Variants in MS4A14 observed in about 807,000 individuals in gnomAD.
The protein encoded by MS4A14 is membrane-spanning 4-domains subfamily A member 14.
Under a neutral mutation model 16.7 loss-of-function variants are expected in MS4A14, and 18 were observed. The observed-to-expected ratio is 1.08, with a 90% CI of 0.75 to 1.60. The LOEUF is 1.60. MS4A14 is among the 40% of genes most tolerant of loss of function. The probability of loss-of-function intolerance (pLI) is 0.00; values close to 1 mark genes in which losing one functional copy is unlikely to be tolerated. For synonymous variants in MS4A14, 305 were observed against 289.4 expected (o/e 1.05, Z -0.55); for missense variants, 812 against 775.3 (o/e 1.05, Z -0.56).
chr11:60,401,715 C>A (rs80270045), intron 3 of MS4A14, among the ~76,000 whole-genome samples: 5 of 152,148 alleles, frequency 3.3e-5, no homozygotes, highest in Non-Finnish European at 7.4e-5. Context: ...TTGTAAAGCC[C>A]AATACACATG....
intron 4 of MS4A14, 147 bp from the exon 5 acceptor site, chr11:60,415,290 C>T (rs1207281503): frequency 2.7e-6 from 2 of 736,292 alleles, no homozygotes; most frequent in South Asian, 2.2e-5. Context: ...ATGGTAAAGG[C>T]AGGACTGGCA....
chr11:60,397,738 A>C (rs1475775161), intron 1 of MS4A14, 114 bp from the exon 2 acceptor site: 10 of 911,740 alleles, frequency 1.1e-5, no homozygotes, highest in Middle Eastern at 2.3e-4. Flanking sequence ...ATGAGAGAGG[A>C]AGGCATTTGG....
In MS4A14 at chr11:60,416,746, A is replaced by C. The variant is rs757968130; in HGVS notation, c.1778A>C (p.Lys593Thr). ...CAAGTTAAAGACCAGCAGACTGATA[A>C]GGAGCAAAACTCAAAGAAGCAAACC... Reference protein sequence around the residue: ...DGQVKDQQTDKEQNSKKQTQD... With the variant: ...DGQVKDQQTDTEQNSKKQTQD... Residue 593 changes from lysine (K) to threonine (T), a missense_variant, in exon 5 of 5, where the codon AAG becomes ACG. Coordinates refer to ENST00000300187, the MANE Select transcript of MS4A14 (RefSeq NM_032597.5). 29 of 1,613,512 alleles carry C rather than the reference A, an allele frequency of 1.8e-5. No homozygotes were observed. Among genetic ancestry groups the C allele is most frequent in the Non-Finnish European group, 1.9e-5 (22 of 1,179,828 alleles).
At chr11:60,405,410 T>C (rs1379305923) in intron 4 of MS4A14, among the ~76,000 whole-genome samples, 4 of 152,216 alleles carry the variant, frequency 2.6e-5, no homozygotes, top group Non-Finnish European at 4.4e-5. Flanking sequence ...CAGGTCTTTC[T>C]GTCTTCATAG....
intron 4 of MS4A14, among the ~76,000 whole-genome samples, chr11:60,408,320 A>G (rs921838591): frequency 6.6e-6 from 1 of 152,154 alleles, no homozygotes; most frequent in Non-Finnish European, 1.5e-5. Context: ...TGAAATATAT[A>G]TAACATAATA....
intron 4 of MS4A14, chr11:60,405,810 T>G (rs1173455249): frequency 9.8e-7 from 1 of 1,024,916 alleles, no homozygotes; most frequent in African/African-American, 1.6e-5. Flanking sequence ...GGTGATAGAG[T>G]GTAAGGGGTT....
At position 60,402,929 on chromosome 11, in the gene MS4A14, C is replaced by T; in HGVS notation, c.336C>T (p.Gly112=). 1 of 1,613,636 alleles carries T rather than the reference C, an allele frequency of 6.2e-7. No individual in the cohort carries two copies. Among genetic ancestry groups the T allele is most frequent in the Non-Finnish European group, 8.5e-7 (1 of 1,179,698 alleles). ...TCTTTCAGGGTCAAGGTGTCACGGG[C>T]ATGAATGTTATCAGCTCCTTGGTTG... ...KSKLLGQGVT[G]MNVISSLVAI... Residue 112 remains glycine (G), a synonymous_variant, in exon 4 of 5, where the codon GGC becomes GGT. Transcript: ENST00000300187.
intron 4 of MS4A14, chr11:60,404,542 C>G: frequency 4.4e-6 from 2 of 456,978 alleles, no homozygotes; most frequent in South Asian, 3.1e-5. Context: ...CAACATTATT[C>G]CAGGACTTCA....
At chr11:60,398,926 C>G (rs2085669574) in intron 2 of MS4A14, among the ~76,000 whole-genome samples, 1 of 152,156 alleles carries the variant, frequency 6.6e-6, no homozygotes. Context: ...TCTCATTTCA[C>G]AACAGAATTG....
At chr11:60,406,838 T>A (rs1440418133) in intron 4 of MS4A14, among the ~76,000 whole-genome samples, 2 of 152,118 alleles carry the variant, frequency 1.3e-5, no homozygotes, top group African/African-American at 4.8e-5. Context: ...TGGTTTTGAC[T>A]TTCCAAAATT....
At position 60,405,322 on chromosome 11, in the gene MS4A14, T is replaced by C. The variant is rs551101014; in HGVS notation, c.468+2261T>C. ...GCAAACTCCCAACCTCAGTTAATCC[T>C]CCTGCCTTGGCCTCCCAAAGTGCTG... On this transcript the variant is annotated intron_variant, in intron 4 of 4. Coordinates refer to ENST00000300187, the MANE Select transcript of MS4A14 (RefSeq NM_032597.5). 2.6e-5 allele frequency among the ~76,000 whole-genome samples: 4 copies of C among 152,264 alleles called. No homozygotes were observed. In the East Asian group the frequency reaches 7.7e-4, roughly 29 times the overall value.
chr11:60,404,159 C>G (rs1406570537), intron 4 of MS4A14, among the ~76,000 whole-genome samples: 1 of 152,216 alleles, frequency 6.6e-6, no homozygotes, highest in Non-Finnish European at 1.5e-5. Flanking sequence ...CTTGTATATA[C>G]CCGAAAGGGT....
At chr11:60,415,200 A>G (rs1172711288) in intron 4 of MS4A14, among the ~76,000 whole-genome samples, 1 of 152,136 alleles carries the variant, frequency 6.6e-6, no homozygotes, top group Non-Finnish European at 1.5e-5. Flanking sequence ...GGAATTTTTG[A>G]GGCAATCTTA....
At chr11:60,405,090 T>C (rs911269432) in intron 4 of MS4A14, among the ~76,000 whole-genome samples, 2 of 152,120 alleles carry the variant, frequency 1.3e-5, no homozygotes, top group African/African-American at 4.8e-5. Context: ...ACTTTTTTTT[T>C]TTTTTGAGAT....
intron 3 of MS4A14, 112 bp from the exon 4 acceptor site, chr11:60,402,800 A>T (rs2085733503): frequency 9.3e-7 from 1 of 1,074,278 alleles, no homozygotes; most frequent in South Asian, 1.5e-5. Flanking sequence ...CTGATGGAAC[A>T]ACTCTTCCCT....
At chr11:60,414,085 C>A (rs1281389950) in intron 4 of MS4A14, among the ~76,000 whole-genome samples, 2 of 152,080 alleles carry the variant, frequency 1.3e-5, no homozygotes, top group African/African-American at 4.8e-5. Flanking sequence ...CATTGTCTAG[C>A]ATCTGGTAAT....
chr11:60,397,566 G>A (rs2085645216), intron 1 of MS4A14, among the ~76,000 whole-genome samples: 1 of 152,124 alleles, frequency 6.6e-6, no homozygotes, highest in African/African-American at 2.4e-5. Context: ...AGTCAGACAT[G>A]TACTCAAATC....
intron 4 of MS4A14, among the ~76,000 whole-genome samples, chr11:60,414,837 T>A (rs1051371919): frequency 1.3e-5 from 2 of 152,096 alleles, no homozygotes; most frequent in Non-Finnish European, 2.9e-5. Flanking sequence ...CATCTTACCG[T>A]CTATGCCTGA....
chr11:60,396,850 T>C, intron 1 of MS4A14, 134 bp downstream of exon 1: 1 of 918,510 alleles, frequency 1.1e-6, no homozygotes, highest in Non-Finnish European at 1.6e-6. Flanking sequence ...TCACCTTACA[T>C]GAGAAATTAG....
Sources: allele counts gnomAD v4.1 joint callset (sites outside exome capture counted in the v4.1 genomes callset), GRCh38; gene constraint gnomAD v4.1.1; transcripts MANE v1.5; gene names NCBI Gene and HGNC (gene_info 2026-07-23, HGNC 2026-07-21).